Variants in LSAMP observed in about 807,000 individuals in gnomAD.
The protein encoded by LSAMP is limbic system associated membrane protein.
In LSAMP, 7 loss-of-function variants were observed where a neutral mutation model predicts 38.6. The observed-to-expected ratio is 0.18, with a 90% CI of 0.10 to 0.34. The LOEUF (loss-of-function observed/expected upper bound fraction) is 0.34, where lower values mean the gene tolerates loss of function less well. Ranked by LOEUF, LSAMP falls within the 10% of genes least tolerant of loss-of-function variation. The probability of loss-of-function intolerance (pLI) is 1.00; values close to 1 mark genes in which losing one functional copy is unlikely to be tolerated. For synonymous variants in LSAMP, 154 were observed against 166.8 expected (o/e 0.92, Z 0.59); for missense variants, 313 against 420.0 (o/e 0.75, Z 2.23).
intron 1 of LSAMP, among the ~76,000 whole-genome samples, chr3:116,105,209 T>C (rs1708436990): frequency 6.6e-6 from 1 of 151,240 alleles, no homozygotes; most frequent in Non-Finnish European, 1.5e-5. Flanking sequence ...GCTGGTGATA[T>C]ACAGTCTGGG....
chr3:116,060,459 G>C (rs1017981670), intron 2 of LSAMP, among the ~76,000 whole-genome samples: 5 of 151,784 alleles, frequency 3.3e-5, no homozygotes, highest in Non-Finnish European at 5.9e-5. Context: ...CACACACATA[G>C]ACATAAAATG....
intron 1 of LSAMP, among the ~76,000 whole-genome samples, chr3:116,268,533 T>TAACA (rs2046924384): frequency 6.6e-6 from 1 of 152,106 alleles, no homozygotes; most frequent in Admixed American, 6.6e-5. Context: ...GCCATTTCTT[T>TAACA]AACATCCTTA....
chr3:116,384,160 C>T (rs1399572023), intron 1 of LSAMP, among the ~76,000 whole-genome samples: 1 of 152,080 alleles, frequency 6.6e-6, no homozygotes, highest in Non-Finnish European at 1.5e-5. Flanking sequence ...ATTAAAATGA[C>T]ATGTTAAGCA....
At chr3:116,066,871 T>G (rs1382748813) in intron 2 of LSAMP, among the ~76,000 whole-genome samples, 1 of 152,222 alleles carries the variant, frequency 6.6e-6, no homozygotes, top group Non-Finnish European at 1.5e-5. Context: ...TTAAGCTACA[T>G]TCTTCATGTT....
chr3:116,158,335 G>GTAC (rs1301774715), intron 1 of LSAMP, among the ~76,000 whole-genome samples: 1 of 152,032 alleles, frequency 6.6e-6, no homozygotes, highest in Non-Finnish European at 1.5e-5. Context: ...ACTCAACCTA[G>GTAC]TACTATAAGT....
At chr3:116,138,299 A>T (rs906160954) in intron 1 of LSAMP, among the ~76,000 whole-genome samples, 6 of 152,154 alleles carry the variant, frequency 3.9e-5, no homozygotes, top group African/African-American at 7.2e-5. Flanking sequence ...TTAAAGACAT[A>T]TGAAACATAA....
At chr3:116,083,456 A>T (rs1707915212) in intron 2 of LSAMP, among the ~76,000 whole-genome samples, 1 of 152,232 alleles carries the variant, frequency 6.6e-6, no homozygotes, top group African/African-American at 2.4e-5. Context: ...GTTTACCCCC[A>T]AAGTGTATTT....
intron 1 of LSAMP, among the ~76,000 whole-genome samples, chr3:116,264,039 A>G (rs1021068207): frequency 4.6e-5 from 7 of 152,224 alleles, no homozygotes; most frequent in Non-Finnish European, 7.3e-5. Context: ...CAATAAAACA[A>G]GTCTGCCTGC....
intron 1 of LSAMP, among the ~76,000 whole-genome samples, chr3:116,090,962 G>C (rs1708108793): frequency 6.6e-6 from 1 of 152,190 alleles, no homozygotes; most frequent in African/African-American, 2.4e-5. Context: ...AGGAGACGGG[G>C]TTTTGAGATC....
chr3:115,971,398 C>G (rs1259720723), intron 3 of LSAMP, among the ~76,000 whole-genome samples: 1 of 152,104 alleles, frequency 6.6e-6, no homozygotes, highest in Non-Finnish European at 1.5e-5. Flanking sequence ...AGGGCTTTAT[C>G]TTATCTTTAA....
chr3:115,864,016 C>G (rs944427994), intron 3 of LSAMP, among the ~76,000 whole-genome samples: 2 of 152,078 alleles, frequency 1.3e-5, no homozygotes, highest in East Asian at 3.9e-4. Context: ...TCATGACTAT[C>G]CATGGGCATT....
chr3:116,158,709 CAT>C (rs1001741216), intron 1 of LSAMP, among the ~76,000 whole-genome samples: 3 of 152,024 alleles, frequency 2.0e-5, no homozygotes, highest in African/African-American at 7.2e-5. Context: ...ATGACACAAA[CAT>C]ATGGAAAAAC....
chr3:115,966,125 G>A (rs983556338), intron 3 of LSAMP, among the ~76,000 whole-genome samples: 10 of 152,142 alleles, frequency 6.6e-5, no homozygotes, highest in Admixed American at 5.2e-4. Context: ...AAATAAAAGT[G>A]TTCTGTACAT....
At chr3:115,848,159 G>T (rs756581167) in intron 4 of LSAMP, among the ~76,000 whole-genome samples, 1 of 152,178 alleles carries the variant, frequency 6.6e-6, no homozygotes, top group Non-Finnish European at 1.5e-5. Flanking sequence ...TGGCCAGTCT[G>T]GTTCCATATT....
At chr3:115,889,120 G>T (rs1343485804) in intron 3 of LSAMP, among the ~76,000 whole-genome samples, 4 of 151,906 alleles carry the variant, frequency 2.6e-5, no homozygotes, top group Non-Finnish European at 4.4e-5. Flanking sequence ...TGGGTAGGAA[G>T]TTGGGGTCCT....
intron 2 of LSAMP, among the ~76,000 whole-genome samples, chr3:116,037,021 C>T: frequency 6.6e-6 from 1 of 152,078 alleles, no homozygotes. Flanking sequence ...AAAGACAATA[C>T]CTCAGGAATT....
At chr3:116,285,273 A>G (rs2107686202) in intron 1 of LSAMP, among the ~76,000 whole-genome samples, 1 of 152,052 alleles carries the variant, frequency 6.6e-6, no homozygotes, top group South Asian at 2.1e-4. Flanking sequence ...TAAAATCACA[A>G]CTTCTGATTG....
At position 116,215,483 on chromosome 3, in the gene LSAMP, C is replaced by T. The variant is rs535172855; in HGVS notation, c.156-128927G>A. 3.3e-5 allele frequency among the ~76,000 whole-genome samples: 5 copies of T among 152,196 alleles called. No individual in the cohort carries two copies. In the East Asian group the frequency reaches 9.7e-4, roughly 29 times the overall value. ...AGAAGAAGAGAAAGAAAAGAGCTGC[C>T]TAGGTCCCAGAGGTGGAGGCCGCTT... On this transcript the variant is annotated intron_variant, in intron 1 of 6. Transcript: ENST00000490035.
chr3:116,105,553 G>C (rs1008840721), intron 1 of LSAMP, among the ~76,000 whole-genome samples: 2 of 152,120 alleles, frequency 1.3e-5, no homozygotes, highest in African/African-American at 4.8e-5. Context: ...GTGGGCAGGG[G>C]CGGGGGTCAC....
Sources: allele counts gnomAD v4.1 joint callset (sites outside exome capture counted in the v4.1 genomes callset), GRCh38; gene constraint gnomAD v4.1.1; transcripts MANE v1.5; gene names NCBI Gene and HGNC (gene_info 2026-07-23, HGNC 2026-07-21).